The following C12orf43 variants were observed in gnomAD, a reference collection of about 807,000 sequenced individuals.
C12orf43 encodes protein CUSTOS.
C12orf43 carries 15 observed loss-of-function variants against 20.6 expected under a neutral mutation model. The ratio of observed to expected loss-of-function variants is 0.73; its 90% confidence interval spans 0.49 to 1.12. The LOEUF (loss-of-function observed/expected upper bound fraction) is 1.12. C12orf43 is among the 50% of genes most tolerant of loss of function. C12orf43 has a pLI of 0.00. For missense variants in C12orf43, 334 were observed against 344.4 expected (o/e 0.97, Z 0.24); for synonymous variants, 144 against 130.8 (o/e 1.10, Z -0.69).
At chr12:121,015,261 G>A (rs1188841035) in intron 1 of C12orf43, among the ~76,000 whole-genome samples, 1 of 152,166 alleles carries the variant, frequency 6.6e-6, no homozygotes, top group African/African-American at 2.4e-5. Context: ...GGTACTAGGG[G>A]GTGAGAGGGG....
intron 3 of C12orf43, among the ~76,000 whole-genome samples, chr12:121,010,622 C>G (rs920070372): frequency 6.6e-6 from 1 of 152,230 alleles, no homozygotes; most frequent in Non-Finnish European, 1.5e-5. Context: ...GCACACCTGT[C>G]TCCTTGCTGA....
Position 121,001,423 on chromosome 12 carries a change from A to G in C12orf43, c.*2730T>C, listed in dbSNP as rs1288875682. On this transcript the variant is annotated 3_prime_UTR_variant, in exon 6 of 6. Transcript: ENST00000288757. ...AGGGGGTCGTGGAGAGCTAGGAGCA[A>G]AGCCTGTTCATGGCAGATGTAGGAG... The G allele has an allele frequency of 5.3e-6, 3 of 569,386 alleles. No homozygotes were observed. Among genetic ancestry groups the G allele is most frequent in the African/African-American group, 3.7e-5 (2 of 53,376 alleles). 35.3% of individuals were successfully genotyped at this position (569,386 alleles called of 1,614,324 possible).
Position 121,010,032 on chromosome 12 carries a change from T to C in C12orf43, c.287+796A>G, listed in dbSNP as rs141442086. ...AGAACATGGGCTTGGCCCGGCACAG[T>C]GGCTCACGCTTGTAATCCCAGCACT... On this transcript the variant is annotated intron_variant, in intron 3 of 5. Transcript: ENST00000288757. 1.8e-3 allele frequency among the ~76,000 whole-genome samples: 281 copies of C among 152,350 alleles called. 1 individual carries two copies. Among genetic ancestry groups the C allele is most frequent in the African/African-American group, 6.0e-3 (251 of 41,582 alleles).
At chr12:121,007,138 G>A (rs1309690494) in intron 3 of C12orf43, 1 of 152,200 alleles carries the variant, frequency 6.6e-6, no homozygotes, top group Middle Eastern at 3.4e-3. Flanking sequence ...CTGGTTCAGA[G>A]GACAGCTTCT....
chr12:121,014,353 G>A (rs2135888133), intron 1 of C12orf43, among the ~76,000 whole-genome samples: 1 of 151,902 alleles, frequency 6.6e-6, no homozygotes, highest in Non-Finnish European at 1.5e-5. Context: ...AAGAGACCAG[G>A]CGCGGTGGCT....
chr12:121,001,328 T>C lies in C12orf43; in HGVS notation c.*2825A>G. The C allele has an allele frequency of 9.3e-7, 1 of 1,076,556 alleles. No homozygotes were observed. Among genetic ancestry groups the C allele is most frequent in the South Asian group, 1.5e-5 (1 of 68,626 alleles). The allele number at this position is 1,076,556 out of a possible 1,614,324, so 66.7% of individuals were successfully genotyped here. A position where few individuals can be genotyped will look rare whatever the true frequency, so the allele number is the denominator to read the frequency against. On this transcript the variant is annotated 3_prime_UTR_variant, in exon 6 of 6. Coordinates refer to ENST00000288757, the MANE Select transcript of C12orf43 (RefSeq NM_022895.3). ...GACAGCTGTGCCTCGCTCCCCACTCTGCTCTGATGCATCAGAAAGGGAGGG... is the reference window on the plus strand; with the variant it reads ...GACAGCTGTGCCTCGCTCCCCACTCCGCTCTGATGCATCAGAAAGGGAGGG...
Position 121,014,974 on chromosome 12 carries a change from A to AG in C12orf43, c.145+1355dup, listed in dbSNP as rs1868768958. Among the ~76,000 whole-genome samples, 8 of 152,118 alleles carry AG rather than the reference A, an allele frequency of 5.3e-5. No individual in the cohort carries two copies. The South Asian group carries it at 1.7e-3, about 32-fold the overall frequency. On this transcript the variant is annotated intron_variant, in intron 1 of 5. Transcript: ENST00000288757. ...CTGAGTCCTAGTTTTGAAAAAAAAA[A>AG]GAGCGAGAATTAGGCAGGAGGAGGA...
chr12:121,004,920 G>T lies in C12orf43; in HGVS notation c.452+83C>A. ...CTGCCTTGGCCTGGTCCTGACTGGA[G>T]TCTGCTTGGCTATTCCAGGGAACCC... On this transcript the variant is annotated intron_variant, in intron 5 of 5. Transcript: ENST00000288757. The surrounding 1 kb of genome is among the most constrained non-coding windows in gnomAD (Gnocchi z 5.6). 1.9e-6 allele frequency: 2 copies of T among 1,051,564 alleles called. No homozygotes were observed. The highest frequency in any genetic ancestry group is 2.6e-6 in the Non-Finnish European group (2 of 767,522). The allele number at this position is 1,051,564 out of a possible 1,614,324, so 65.1% of individuals were successfully genotyped here.
chr12:121,011,290 TATA>T, intron 1 of C12orf43, 144 bp from the exon 2 acceptor site: 1 of 439,122 alleles, frequency 2.3e-6, no homozygotes, highest in Non-Finnish European at 3.9e-6. Flanking sequence ...ATTATATTTA[TATA>T]TAACTTAAAA....
In C12orf43 at chr12:121,016,411, C is replaced by A. The variant is rs1868933622; in HGVS notation, c.64G>T (p.Glu22Ter). ...ESSNSSSDAE[E>*]LERCREAAMP... ...GCCGCCTCGCGGCACCGCTCCAGCTCCTCCGCATCGCTACTGCTGTTACTA... is the reference window on the plus strand; with the variant it reads ...GCCGCCTCGCGGCACCGCTCCAGCTACTCCGCATCGCTACTGCTGTTACTA... The change falls in exon 1 of 6, where the codon GAG becomes TAG. Residue 22 changes from glutamate to a stop codon, truncating the protein, a stop_gained. Coordinates refer to ENST00000288757, the MANE Select transcript of C12orf43 (RefSeq NM_022895.3). LOFTEE classifies it high-confidence loss of function. The A allele has an allele frequency of 6.2e-7, 1 of 1,613,930 alleles. No homozygotes were observed. The highest frequency in any genetic ancestry group is 1.3e-5 in the African/African-American group (1 of 74,960).
At position 121,001,531 on chromosome 12, in the gene C12orf43, G is replaced by T; in HGVS notation, c.*2622C>A. 1 of 450,052 alleles carries T rather than the reference G, an allele frequency of 2.2e-6. No homozygotes were observed. The highest frequency in any genetic ancestry group is 3.9e-5 in the East Asian group (1 of 25,342). 27.9% of individuals were successfully genotyped at this position (450,052 alleles called of 1,614,324 possible). A position where few individuals can be genotyped will look rare whatever the true frequency, so the allele number is the denominator to read the frequency against. ...TATGACTTGGGCACCCCCAGCCTGGGCCTATGGAGAGCCCTGGGACCGCTA... is the reference window on the plus strand; with the variant it reads ...TATGACTTGGGCACCCCCAGCCTGGTCCTATGGAGAGCCCTGGGACCGCTA... On this transcript the variant is annotated 3_prime_UTR_variant, in exon 6 of 6. Transcript: ENST00000288757.
chr12:121,012,562 T>C (rs1291183848), intron 1 of C12orf43: 2 of 694,052 alleles, frequency 2.9e-6, no homozygotes, highest in Non-Finnish European at 5.3e-6. Context: ...ACTTTTAAGA[T>C]GGAGTCAAGG....
chr12:121,015,612 A>C (rs1868828631), intron 1 of C12orf43, among the ~76,000 whole-genome samples: 1 of 152,256 alleles, frequency 6.6e-6, no homozygotes, highest in Admixed American at 6.5e-5. Flanking sequence ...GGCACATTTT[A>C]AATCAGGGAT....
Position 121,003,911 on chromosome 12 carries a change from C to CG in C12orf43, c.*241dup. 1 of 583,952 alleles carries CG rather than the reference C, an allele frequency of 1.7e-6. No homozygotes were observed. Among genetic ancestry groups the CG allele is most frequent in the Non-Finnish European group, 3.1e-6 (1 of 326,806 alleles). The allele number at this position is 583,952 out of a possible 1,614,324, so 36.2% of individuals were successfully genotyped here. ...AAATGTTCTGGAACCACAGCGCCCCCGCCAGCCCTCCGTGGGAGCACAGAG... is the reference window on the plus strand; with the variant it reads ...AAATGTTCTGGAACCACAGCGCCCCCGGCCAGCCCTCCGTGGGAGCACAGAG... On this transcript the variant is annotated 3_prime_UTR_variant, in exon 6 of 6. Transcript: ENST00000288757.
chr12:121,010,801 G>C (rs1028499875), intron 3 of C12orf43, 27 bp downstream of exon 3: 2 of 1,567,202 alleles, frequency 1.3e-6, no homozygotes, highest in African/African-American at 2.7e-5. Context: ...ACAAGGGCAA[G>C]AGAGGAGAAA....
At position 121,015,930 on chromosome 12, in the gene C12orf43, G is replaced by A. The variant is rs184648029; in HGVS notation, c.145+400C>T. On this transcript the variant is annotated intron_variant, in intron 1 of 5. Coordinates refer to ENST00000288757, the MANE Select transcript of C12orf43 (RefSeq NM_022895.3). ...GTATTTATTCCCAGGGCACTAGGGA[G>A]TCACGGTCAGAGTGATGTGCTGGGC... Among the ~76,000 whole-genome samples the A allele has an allele frequency of 2.2e-4, 33 of 152,324 alleles. 1 individual carries two copies. Among genetic ancestry groups the A allele is most frequent in the Admixed American group, 1.0e-3 (16 of 15,300 alleles).
In C12orf43 at chr12:121,005,028, G is replaced by A. The variant is rs781267553; in HGVS notation, c.427C>T (p.Arg143Ter). The A allele has an allele frequency of 2.6e-5, 40 of 1,534,200 alleles. No individual in the cohort carries two copies. Among genetic ancestry groups the A allele is most frequent in the Middle Eastern group, 1.7e-4 (1 of 5,810 alleles). Residue 143 changes from arginine (R) to a stop codon, truncating the protein, a stop_gained, in exon 5 of 6, where the codon CGA becomes TGA. Coordinates refer to ENST00000288757, the MANE Select transcript of C12orf43 (RefSeq NM_022895.3). LOFTEE classifies it low-confidence loss of function (END_TRUNC). This position sits in a 1 kb window ranked among gnomAD's most constrained non-coding sequence, Gnocchi z 5.6. ...CTGGAGCTGGAGGGCTGTCGCTTTC[G>A]GCGGGGTTGGGGAGACTCTTCCTTC... ...REKEESPQPR[R>*]KRQPSSSSED...
chr12:121,004,962 A>G lies in C12orf43; in HGVS notation c.452+41T>C, dbSNP rs1012378858. ...AGGGAACCCACCAAGACAGAAGAGG[A>G]GAAAAAAGGAGGGGACGTGAGGAGA... On this transcript the variant is annotated intron_variant, in intron 5 of 5. Transcript: ENST00000288757. This position sits in a 1 kb window ranked among gnomAD's most constrained non-coding sequence, Gnocchi z 5.6. 7 of 1,396,384 alleles carry G rather than the reference A, an allele frequency of 5.0e-6. No homozygotes were observed. The African/African-American group carries it at 8.9e-5, about 18-fold the overall frequency. The allele number at this position is 1,396,384 out of a possible 1,614,324, so 86.5% of individuals were successfully genotyped here. A position where few individuals can be genotyped will look rare whatever the true frequency, so the allele number is the denominator to read the frequency against.
chr12:121,006,072 C>T (rs1282322704), intron 4 of C12orf43: 2 of 431,420 alleles, frequency 4.6e-6, no homozygotes, highest in Non-Finnish European at 4.2e-6. Flanking sequence ...AATAATTAGC[C>T]AGGGGTGGTG....
Sources: gnomAD v4.1 joint callset for allele counts (sites outside exome capture counted in the v4.1 genomes callset) on GRCh38, gnomAD v4.1.1 for gene constraint, Gnocchi (gnomAD v3.1) non-coding constraint, MANE v1.5 for transcripts, NCBI Gene and HGNC (gene_info 2026-07-23, HGNC 2026-07-21) for gene names.